The following ADAMDEC1 variants were observed in gnomAD, a reference collection of about 807,000 sequenced individuals.
ADAMDEC1 encodes ADAM DEC1.
Under a neutral mutation model 60.4 loss-of-function variants are expected in ADAMDEC1, and 62 were observed. That is an observed-to-expected ratio of 1.03 (90% CI 0.84 to 1.27). The LOEUF is 1.27. Ranked by LOEUF, ADAMDEC1 falls within the 50% of genes most tolerant of loss-of-function variation. The probability of loss-of-function intolerance (pLI) is 0.00; values close to 1 mark genes in which losing one functional copy is unlikely to be tolerated. For synonymous variants in ADAMDEC1, 210 were observed against 195.1 expected, an observed-to-expected ratio of 1.08 and a Z score of -0.64; for missense variants, 595 against 565.0, an observed-to-expected ratio of 1.05 and a Z score of -0.54.
At position 24,399,417 on chromosome 8, in the gene ADAMDEC1, T is replaced by C. The variant is rs76140263; in HGVS notation, c.954T>C (p.Arg318=). The change falls in exon 10 of 14, where the codon CGT becomes CGC. Residue 318 remains arginine, a synonymous_variant. Coordinates refer to ENST00000256412, the MANE Select transcript of ADAMDEC1 (RefSeq NM_014479.3). ...LLSGISFNNR[R]VGLAASNSLC... The stretch of plus-strand genomic sequence containing the variant: ...GCGGGATTAGCTTCAACAATCGACG[T>C]GTGGGACTGGCAGCTTCAAATTCCT... The C allele has an allele frequency of 2.6e-3, 4,182 of 1,613,996 alleles. 12 individuals carry two copies. The highest frequency in any genetic ancestry group is 2.9e-3 in the Non-Finnish European group (3,442 of 1,179,900).
At position 24,404,045 on chromosome 8, in the gene ADAMDEC1, A is replaced by G. The variant is rs1199294773; in HGVS notation, c.1363A>G (p.Lys455Glu). 1.2e-6 allele frequency: 2 copies of G among 1,613,692 alleles called. No homozygotes were observed. The highest frequency in any genetic ancestry group is 1.7e-5 in the Admixed American group (1 of 59,972). The change falls in exon 13 of 14, where the codon AAG becomes GAG. Residue 455 changes from lysine to glutamate, a missense_variant. Transcript: ENST00000256412. Reference protein sequence around the residue: ...LCCEALTCKLKPGTDCGGDAP... With the variant: ...LCCEALTCKLEPGTDCGGDAP... Reference sequence around the variant, plus strand: ...CTGTGAAGCCCTAACGTGTAAACTGAAGCCTGGAACTGATTGCGGAGGAGA... The same window carrying G: ...CTGTGAAGCCCTAACGTGTAAACTGGAGCCTGGAACTGATTGCGGAGGAGA...
Position 24,397,377 on chromosome 8 carries a change from C to G in ADAMDEC1, c.548C>G (p.Ala183Gly), listed in dbSNP as rs1233119769. The change falls in exon 6 of 14, where the codon GCT becomes GGT. Residue 183 changes from alanine (A) to glycine (G), a missense_variant. Coordinates refer to ENST00000256412, the MANE Select transcript of ADAMDEC1 (RefSeq NM_014479.3). Reference protein sequence around the residue: ...FTSNQEEQDPANHTCGVKSTD... With the variant: ...FTSNQEEQDPGNHTCGVKSTD... ...TCTAACCAGGAGGAACAAGACCCAGCTAACCACACATGTGGTGTGAAGAGC... is the reference window on the plus strand; with the variant it reads ...TCTAACCAGGAGGAACAAGACCCAGGTAACCACACATGTGGTGTGAAGAGC... 13 of 1,614,086 alleles carry G rather than the reference C, an allele frequency of 8.1e-6. No individual in the cohort carries two copies. Among genetic ancestry groups the G allele is most frequent in the Non-Finnish European group, 1.0e-5 (12 of 1,179,970 alleles).
In ADAMDEC1 at chr8:24,394,156, C is replaced by G; in HGVS notation, c.363+9C>G. On this transcript the variant is annotated intron_variant, in intron 4 of 13. Transcript: ENST00000256412. Reference sequence around the variant, plus strand: ...CGAAACCTGAGAACATGGTAGGGTCCGAATACTTTGTGGGTCTCTTTTGAG... The same window carrying G: ...CGAAACCTGAGAACATGGTAGGGTCGGAATACTTTGTGGGTCTCTTTTGAG... 1 of 1,599,092 alleles carries G rather than the reference C, an allele frequency of 6.3e-7. No individual in the cohort carries two copies. Among genetic ancestry groups the G allele is most frequent in the Non-Finnish European group, 8.6e-7 (1 of 1,166,772 alleles).
At chr8:24,402,189 C>A (rs1817783029) in intron 12 of ADAMDEC1, 97 bp downstream of exon 12, 7 of 1,137,084 alleles carry the variant, frequency 6.2e-6, no homozygotes, top group Non-Finnish European at 7.3e-6. Context: ...ACAAACTTGG[C>A]ATCGTAGTTA....
intron 12 of ADAMDEC1, among the ~76,000 whole-genome samples, chr8:24,402,982 T>C (rs1413029837): frequency 2.0e-5 from 3 of 152,240 alleles, no homozygotes; most frequent in Admixed American, 6.5e-5. Flanking sequence ...TATGGTTTCT[T>C]GGGTGGAAGA....
chr8:24,392,755 A>C (rs1817478766), intron 2 of ADAMDEC1, among the ~76,000 whole-genome samples: 1 of 152,142 alleles, frequency 6.6e-6, no homozygotes, highest in Non-Finnish European at 1.5e-5. Context: ...AATAGTGAAA[A>C]ATTAAATTTT....
intron 13 of ADAMDEC1, among the ~76,000 whole-genome samples, chr8:24,404,971 C>A (rs1817853933): frequency 6.6e-6 from 1 of 152,040 alleles, no homozygotes; most frequent in African/African-American, 2.4e-5. Flanking sequence ...AAAAATCATC[C>A]AGCTATTTAA....
intron 9 of ADAMDEC1, 94 bp downstream of exon 9, chr8:24,399,134 TC>T (rs1817694533): frequency 7.2e-7 from 1 of 1,390,326 alleles, no homozygotes. Context: ...ATTTCCCTGA[TC>T]AACTGTCAGA....
chr8:24,389,087 A>C (rs1817371392), intron 1 of ADAMDEC1, among the ~76,000 whole-genome samples: 5 of 152,172 alleles, frequency 3.3e-5, no homozygotes. Context: ...CTGCTCTTAC[A>C]CAAGGAAAAA....
In ADAMDEC1 at chr8:24,396,147, A is replaced by G. The variant is rs567989218; in HGVS notation, c.440+351A>G. The stretch of plus-strand genomic sequence containing the variant: ...CAGTTGAACTTAATTTTAGAATTAT[A>G]TGTGTTTCTGTTTACGTAGATAATT... On this transcript the variant is annotated intron_variant, in intron 5 of 13. Coordinates refer to ENST00000256412, the MANE Select transcript of ADAMDEC1 (RefSeq NM_014479.3). 2.0e-5 allele frequency among the ~76,000 whole-genome samples: 3 copies of G among 152,316 alleles called. No homozygotes were observed. The East Asian group carries it at 5.8e-4, about 29-fold the overall frequency.
In ADAMDEC1 at chr8:24,395,602, A is replaced by T. The variant is rs904498538; in HGVS notation, c.364-118A>T. The T allele has an allele frequency of 9.0e-6, 6 of 663,026 alleles. No individual in the cohort carries two copies. In the South Asian group the frequency reaches 1.3e-4, roughly 15 times the overall value. The allele number at this position is 663,026 out of a possible 1,614,324, so 41.1% of individuals were successfully genotyped here. ...CTTGAAGAATTTTTACATATTCAAGATGGTAGCTTTCCTCACAACTGTGAT... is the reference window on the plus strand; with the variant it reads ...CTTGAAGAATTTTTACATATTCAAGTTGGTAGCTTTCCTCACAACTGTGAT... On this transcript the variant is annotated intron_variant, in intron 4 of 13. Transcript: ENST00000256412.
Position 24,392,264 on chromosome 8 carries a change from A to C in ADAMDEC1, c.91A>C (p.Ile31Leu), listed in dbSNP as rs772500890. 6.3e-7 allele frequency: 1 copy of C among 1,595,220 alleles called. No individual in the cohort carries two copies. The highest frequency in any genetic ancestry group is 8.6e-7 in the Non-Finnish European group (1 of 1,169,432). The change falls in exon 2 of 14, where the codon ATA becomes CTA. Residue 31 changes from isoleucine (I) to leucine (L), a missense_variant and splice_region_variant. Ile to Leu is a conservative substitution (Grantham distance 5, BLOSUM62 2). Transcript: ENST00000256412. ...GAATATTATTTCTCTTTCTCTAGCA[A>C]TAGCCATAAAGCAAACACCTGAATT... is the stretch of plus-strand genomic sequence containing the variant. ...VLWLIVQTQA[I>L]AIKQTPELTL... is the part of the protein sequence containing the mutation.
At chr8:24,399,343 G>T (rs765352592) in intron 9 of ADAMDEC1, 50 bp from the exon 10 acceptor site, 11 of 1,547,732 alleles carry the variant, frequency 7.1e-6, no homozygotes, top group Non-Finnish European at 9.8e-6. Flanking sequence ...AAAAGCTAAT[G>T]GTTACAAAGA....
chr8:24,398,380 T>A, intron 7 of ADAMDEC1, 100 bp from the exon 8 acceptor site: 4 of 710,704 alleles, frequency 5.6e-6, no homozygotes, highest in Non-Finnish European at 4.8e-6. Flanking sequence ...TTAATTGTAG[T>A]GAAATTCATA....
At chr8:24,401,190 C>A (rs1459512328) in intron 11 of ADAMDEC1, among the ~76,000 whole-genome samples, 1 of 152,072 alleles carries the variant, frequency 6.6e-6, no homozygotes, top group Non-Finnish European at 1.5e-5. Context: ...TCTTGATGCA[C>A]AAATTTTAAA....
intron 7 of ADAMDEC1, 143 bp from the exon 8 acceptor site, chr8:24,398,337 T>C (rs1293667128): frequency 1.8e-6 from 1 of 560,380 alleles, no homozygotes; most frequent in South Asian, 2.5e-5. Flanking sequence ...CACAATGCAG[T>C]CTTACATTAT....
rs762412820 is a variant in ADAMDEC1 at position 24,395,795 on chromosome 8, A to C, written c.439A>C (p.Arg147=). The C allele has an allele frequency of 3.1e-6, 5 of 1,611,034 alleles. No homozygotes were observed. In the South Asian group the frequency reaches 4.4e-5, roughly 14 times the overall value. Residue 147 remains arginine (R), a splice_region_variant and synonymous_variant, in exon 5 of 14, where the codon AGA becomes CGA. Transcript: ENST00000256412. ...VASISTCDGL[R]GYFTHHHQRY... ...CAGCATCAGTACTTGTGACGGGTTG[A>C]GGTAAGAACTACCATCAAAATTACT...
rs1290491488 is a variant in ADAMDEC1 at position 24,405,491 on chromosome 8, C to T, written c.*193C>T. 1 of 500,564 alleles carries T rather than the reference C, an allele frequency of 2.0e-6. No homozygotes were observed. The highest frequency in any genetic ancestry group is 5.2e-5 in the South Asian group (1 of 19,320). 31.0% of individuals were successfully genotyped at this position (500,564 alleles called of 1,614,324 possible). A position where few individuals can be genotyped will look rare whatever the true frequency, so the allele number is the denominator to read the frequency against. Reference sequence around the variant, plus strand: ...CATTGGCTCTTTGTTTAGGCCTAATCTTTCTTTTTACTTTTTTTTTTCTTT... The same window carrying T: ...CATTGGCTCTTTGTTTAGGCCTAATTTTTCTTTTTACTTTTTTTTTTCTTT... On this transcript the variant is annotated 3_prime_UTR_variant, in exon 14 of 14. Transcript: ENST00000256412.
At chr8:24,388,848 G>T (rs916069147) in intron 1 of ADAMDEC1, among the ~76,000 whole-genome samples, 9 of 152,152 alleles carry the variant, frequency 5.9e-5, no homozygotes, top group Admixed American at 5.9e-4. Flanking sequence ...GAGGCTAAAA[G>T]ATCCAGTTTC....
Sources: gnomAD v4.1 joint callset for allele counts (sites outside exome capture counted in the v4.1 genomes callset) on GRCh38, gnomAD v4.1.1 for gene constraint, MANE v1.5 for transcripts, NCBI Gene and HGNC (gene_info 2026-07-23, HGNC 2026-07-21) for gene names.